RBFOX1: variants seen among roughly 807,000 people sequenced by gnomAD.
RBFOX1 encodes RNA binding fox-1 homolog 1.
A neutral mutation model predicts 57.7 loss-of-function variants in RBFOX1; 8 were observed. The observed-to-expected ratio is 0.14, with a 90% CI of 0.08 to 0.25. The LOEUF is 0.25. RBFOX1 is among the 10% of genes least tolerant of loss of function. The pLI is 1.00. For synonymous variants in RBFOX1, 326 were observed against 222.4 expected (o/e 1.47, Z -4.15); for missense variants, 611 against 548.5 (o/e 1.11, Z -1.14).
chr16:7,355,257 G>C (rs2097194914), intron 4 of RBFOX1, among the ~76,000 whole-genome samples: 1 of 152,142 alleles, frequency 6.6e-6, no homozygotes, highest in African/African-American at 2.4e-5. Context: ...TCCCATCCCA[G>C]GCCTCAGCCA....
At chr16:5,255,500 C>T (rs905702073) in intron 1 of RBFOX1, among the ~76,000 whole-genome samples, 1 of 151,778 alleles carries the variant, frequency 6.6e-6, no homozygotes, top group African/African-American at 2.4e-5. Flanking sequence ...ACCAAACCAT[C>T]TATCCATCTA....
At chr16:6,592,891 C>A (rs1040681115) in intron 2 of RBFOX1, among the ~76,000 whole-genome samples, 1 of 152,094 alleles carries the variant, frequency 6.6e-6, no homozygotes, top group Non-Finnish European at 1.5e-5. Flanking sequence ...TGTGATTATG[C>A]AGAGAGAGTG....
intron 4 of RBFOX1, among the ~76,000 whole-genome samples, chr16:7,100,973 A>AT (rs1000081174): frequency 2.0e-5 from 3 of 152,188 alleles, no homozygotes; most frequent in African/African-American, 7.2e-5. Context: ...ATCAAGGATT[A>AT]TTTTTTGAGG....
chr16:7,030,521 T>G (rs982368944), intron 3 of RBFOX1, among the ~76,000 whole-genome samples: 1 of 152,204 alleles, frequency 6.6e-6, no homozygotes, highest in Non-Finnish European at 1.5e-5. Context: ...GTTCCTTGGT[T>G]TGTGGCCACA....
intron 2 of RBFOX1, among the ~76,000 whole-genome samples, chr16:6,358,927 C>G (rs2087888983): frequency 6.6e-6 from 1 of 152,178 alleles, no homozygotes; most frequent in African/African-American, 2.4e-5. Flanking sequence ...GGTAGCAAAG[C>G]TGAGATTCTG....
In RBFOX1 at chr16:5,578,481, C is replaced by T. The variant is rs552643746; in HGVS notation, c.259-20421C>T. 1.6e-4 allele frequency among the ~76,000 whole-genome samples: 25 copies of T among 152,294 alleles called. No homozygotes were observed. The South Asian group carries it at 1.7e-3, about 10-fold the overall frequency. ...AGCCCACCAGGAAAAACCCCATCCA[C>T]GGTCTGACATTTAGAAATGTATTGG... is the stretch of plus-strand genomic sequence containing the variant. On this transcript the variant is annotated intron_variant, in intron 2 of 2. Transcript: ENST00000585867.
intron 2 of RBFOX1, among the ~76,000 whole-genome samples, chr16:6,507,507 C>CAAAAAAAA (rs57685233): frequency 3.5e-4 from 34 of 97,116 alleles, no homozygotes; most frequent in South Asian, 4.1e-4. Flanking sequence ...CCTATCTGTA[C>CAAAAAAAA]AAAAAAAAAA....
intron 2 of RBFOX1, among the ~76,000 whole-genome samples, chr16:6,405,818 T>G (rs1318568820): frequency 4.6e-5 from 7 of 152,166 alleles, no homozygotes. Context: ...GATGTATTAT[T>G]TAATAATGAT....
At chr16:7,209,987 A>G (rs879885074) in intron 4 of RBFOX1, among the ~76,000 whole-genome samples, 1 of 152,194 alleles carries the variant, frequency 6.6e-6, no homozygotes, top group Non-Finnish European at 1.5e-5. Flanking sequence ...GTGCTTATTA[A>G]ACTGCCTTGC....
At chr16:6,759,366 G>A (rs1260986299) in intron 3 of RBFOX1, among the ~76,000 whole-genome samples, 1 of 152,024 alleles carries the variant, frequency 6.6e-6, no homozygotes, top group Non-Finnish European at 1.5e-5. Context: ...GGCCAGGCTG[G>A]TCTTGAACTC....
At chr16:7,024,957 C>T (rs1035047493) in intron 3 of RBFOX1, among the ~76,000 whole-genome samples, 1 of 152,140 alleles carries the variant, frequency 6.6e-6, no homozygotes. Context: ...AGGACATTCA[C>T]AGGCCACACA....
intron 3 of RBFOX1, among the ~76,000 whole-genome samples, chr16:6,892,934 G>C (rs2065876836): frequency 6.6e-6 from 1 of 152,060 alleles, no homozygotes; most frequent in South Asian, 2.1e-4. Context: ...TCTTGCGTGT[G>C]TGGCGCTGGC....
At chr16:7,332,956 C>G in intron 4 of RBFOX1, 2 of 1,612,428 alleles carry the variant, frequency 1.2e-6, no homozygotes, top group Non-Finnish European at 1.7e-6. Flanking sequence ...CCTAACTCTC[C>G]ATTGATGTGT....
intron 4 of RBFOX1, among the ~76,000 whole-genome samples, chr16:7,367,054 C>T (rs1346256100): frequency 2.0e-5 from 3 of 151,956 alleles, no homozygotes; most frequent in African/African-American, 7.3e-5. Flanking sequence ...CCCAAACCCC[C>T]CAGTTTTTTT....
rs572408288 is a variant in RBFOX1 at position 6,212,387 on chromosome 16, A to ATATGTGTATG, written c.-126-104603_-126-104594dup. On this transcript the variant is annotated intron_variant, in intron 1 of 15. Coordinates refer to ENST00000550418, the MANE Select transcript of RBFOX1 (RefSeq NM_018723.4). ...TTTAAAATTACAGATAGGTACACATATATGTGTATGTATGCATTTATAAAG... is the reference window on the plus strand; with the variant it reads ...TTTAAAATTACAGATAGGTACACATATATGTGTATGTATGTGTATGTATGCATTTATAAAG... Among the ~76,000 whole-genome samples, 369 of 152,274 alleles carry ATATGTGTATG rather than the reference A, an allele frequency of 2.4e-3. 1 individual carries two copies. The highest frequency in any genetic ancestry group is 8.5e-3 in the African/African-American group (352 of 41,550).
intron 4 of RBFOX1, among the ~76,000 whole-genome samples, chr16:7,362,091 A>C (rs1400515155): frequency 6.7e-6 from 1 of 148,670 alleles, no homozygotes; most frequent in African/African-American, 2.5e-5. Context: ...GTTAGTTTGC[A>C]TATGTGTGTT....
intron 4 of RBFOX1, among the ~76,000 whole-genome samples, chr16:7,175,443 C>T (rs920886039): frequency 3.3e-5 from 5 of 152,134 alleles, no homozygotes; most frequent in African/African-American, 1.2e-4. Context: ...GAAAGAGCTC[C>T]TCCCCCTTTA....
At chr16:6,709,611 A>G (rs963697914) in intron 3 of RBFOX1, among the ~76,000 whole-genome samples, 1 of 152,158 alleles carries the variant, frequency 6.6e-6, no homozygotes, top group Non-Finnish European at 1.5e-5. Flanking sequence ...TGAATCTCCC[A>G]TAAGATTGCT....
chr16:6,659,031 G>A (rs1458644217), intron 3 of RBFOX1, among the ~76,000 whole-genome samples: 3 of 151,660 alleles, frequency 2.0e-5, no homozygotes, highest in Non-Finnish European at 2.9e-5. Flanking sequence ...CACTTGGAGT[G>A]GCTGTATGGC....
Sources: gnomAD v4.1 joint callset for allele counts (sites outside exome capture counted in the v4.1 genomes callset) on GRCh38, gnomAD v4.1.1 for gene constraint, MANE v1.5 for transcripts, NCBI Gene and HGNC (gene_info 2026-07-23, HGNC 2026-07-21) for gene names.